The following SPATA6 variants were observed in gnomAD, a reference collection of about 807,000 sequenced individuals.
SPATA6 encodes spermatogenesis associated 6.
SPATA6 carries 56 observed loss-of-function variants against 65.3 expected under a neutral mutation model. The observed-to-expected ratio is 0.86, with a 90% CI of 0.69 to 1.07. The LOEUF (loss-of-function observed/expected upper bound fraction) is 1.07, where lower values mean the gene tolerates loss of function less well. SPATA6 is among the 50% of genes least tolerant of loss of function. SPATA6 has a pLI of 0.00. For synonymous variants in SPATA6, 199 were observed against 213.2 expected, an observed-to-expected ratio of 0.93 and a Z score of 0.58; for missense variants, 590 against 594.8, an observed-to-expected ratio of 0.99 and a Z score of 0.08.
chr1:48,395,839 A>C, intron 7 of SPATA6, among the ~76,000 whole-genome samples: 1 of 151,892 alleles, frequency 6.6e-6, no homozygotes. Context: ...CAAAAAGTAA[A>C]AAGAATGATA....
chr1:48,399,213 C>T (rs529485416), intron 7 of SPATA6, 138 bp downstream of exon 7: 1 of 1,026,408 alleles, frequency 9.7e-7, no homozygotes, highest in African/African-American at 1.6e-5. Flanking sequence ...AATTTCCCAT[C>T]TTAGACTGCT....
At chr1:48,404,001 G>A (rs1369895220) in intron 5 of SPATA6, 119 bp from the exon 6 acceptor site, 1 of 663,316 alleles carries the variant, frequency 1.5e-6, no homozygotes, top group African/African-American at 1.9e-5. Context: ...TTCACTGTTA[G>A]TTTGAACTTT....
chr1:48,461,082 T>C (rs1657393772), intron 1 of SPATA6, among the ~76,000 whole-genome samples: 1 of 152,124 alleles, frequency 6.6e-6, no homozygotes, highest in African/African-American at 2.4e-5. Context: ...AGAAAAACAA[T>C]ACTCAAAAAT....
At chr1:48,352,079 T>C (rs1405085923) in intron 11 of SPATA6, among the ~76,000 whole-genome samples, 1 of 152,044 alleles carries the variant, frequency 6.6e-6, no homozygotes, top group Non-Finnish European at 1.5e-5. Flanking sequence ...GACTTACAGT[T>C]CCACGTGGCT....
At chr1:48,338,859 A>T (rs1646130863) in intron 11 of SPATA6, among the ~76,000 whole-genome samples, 1 of 152,076 alleles carries the variant, frequency 6.6e-6, no homozygotes, top group Non-Finnish European at 1.5e-5. Context: ...CTTTAATAAC[A>T]TTTGAGAGTT....
chr1:48,394,418 C>G (rs1413249299), intron 8 of SPATA6, among the ~76,000 whole-genome samples: 5 of 152,070 alleles, frequency 3.3e-5, no homozygotes, highest in African/African-American at 1.2e-4. Context: ...AAACTTCTTC[C>G]AAGAGAGAAA....
chr1:48,433,959 A>G (rs1435412134), intron 3 of SPATA6, among the ~76,000 whole-genome samples: 1 of 152,216 alleles, frequency 6.6e-6, no homozygotes, highest in Non-Finnish European at 1.5e-5. Flanking sequence ...AGAAATCAAC[A>G]GAAACACCCA....
At chr1:48,285,011 T>C in the SPATA6 span, among the ~76,000 whole-genome samples, 1 of 152,192 alleles carries the variant, frequency 6.6e-6, no homozygotes, top group South Asian at 2.1e-4. Context: ...CGTTTAAGTC[T>C]GCTGAAGCTG....
intron 3 of SPATA6, among the ~76,000 whole-genome samples, chr1:48,442,125 G>A (rs1655549134): frequency 6.6e-6 from 1 of 152,210 alleles, no homozygotes; most frequent in Non-Finnish European, 1.5e-5. Flanking sequence ...TTCATTTGTG[G>A]AGAATGGGAT....
chr1:48,333,182 C>T (rs373458471), intron 11 of SPATA6, among the ~76,000 whole-genome samples: 4 of 152,136 alleles, frequency 2.6e-5, no homozygotes, highest in South Asian at 2.1e-4. Flanking sequence ...TCTACCAGTG[C>T]GGCTAGGAAA....
intron 11 of SPATA6, chr1:48,325,555 T>G: frequency 8.7e-7 from 1 of 1,143,028 alleles, no homozygotes. Flanking sequence ...CTCTTTGGTC[T>G]TGGAATGTTA....
intron 9 of SPATA6, among the ~76,000 whole-genome samples, chr1:48,371,061 G>A (rs1221414177): frequency 6.6e-6 from 1 of 152,080 alleles, no homozygotes; most frequent in Non-Finnish European, 1.5e-5. Flanking sequence ...GGCCATATAT[G>A]GAAAAATTAT....
At chr1:48,457,126 T>C (rs1011117549) in intron 1 of SPATA6, among the ~76,000 whole-genome samples, 1 of 151,764 alleles carries the variant, frequency 6.6e-6, no homozygotes, top group Non-Finnish European at 1.5e-5. Flanking sequence ...GTGCACCTAA[T>C]AAACTTTCAA....
At chr1:48,375,644 T>C (rs946874993) in intron 9 of SPATA6, among the ~76,000 whole-genome samples, 4 of 152,108 alleles carry the variant, frequency 2.6e-5, no homozygotes, top group Admixed American at 6.6e-5. Context: ...TAAGCAACTA[T>C]TAAAATGAGG....
At chr1:48,416,234 A>G (rs1652770799) in intron 3 of SPATA6, among the ~76,000 whole-genome samples, 1 of 152,106 alleles carries the variant, frequency 6.6e-6, no homozygotes, top group African/African-American at 2.4e-5. Context: ...AAAATCCTGA[A>G]AGAAGCCAAA....
At chr1:48,389,512 A>G (rs1332465454) in intron 8 of SPATA6, among the ~76,000 whole-genome samples, 1 of 152,170 alleles carries the variant, frequency 6.6e-6, no homozygotes, top group Non-Finnish European at 1.5e-5. Context: ...ATGACAAAAA[A>G]AGAATCCTGA....
At chr1:48,349,687 T>A (rs114653357) in intron 11 of SPATA6, among the ~76,000 whole-genome samples, 2 of 151,900 alleles carry the variant, frequency 1.3e-5, no homozygotes, top group African/African-American at 4.8e-5. Flanking sequence ...CCTTACAAAT[T>A]TTGTTACTTC....
the SPATA6 span, among the ~76,000 whole-genome samples, chr1:48,275,891 T>C: frequency 6.6e-5 from 10 of 152,198 alleles, no homozygotes; most frequent in African/African-American, 2.4e-4. Flanking sequence ...TTGTTTGGAA[T>C]CGTTTCAGAG....
rs189388097 is a variant in SPATA6, at chr1:48,330,392, C to T, written c.1195-24514G>A. On this transcript the variant is annotated intron_variant, in intron 11 of 12. Transcript: ENST00000371847. ...GCTGTGTGAGGTCAGCTGGAGGGTG[C>T]GGCTTCCAGTTATCACAGGAAATAT... is the stretch of plus-strand genomic sequence containing the variant. 2.2e-4 allele frequency among the ~76,000 whole-genome samples: 34 copies of T among 152,298 alleles called. 1 individual carries two copies. The highest frequency in any genetic ancestry group is 1.3e-4 in the Admixed American group (2 of 15,304).
Sources: gnomAD v4.1 joint callset for allele counts (sites outside exome capture counted in the v4.1 genomes callset) on GRCh38, gnomAD v4.1.1 for gene constraint, MANE v1.5 for transcripts, NCBI Gene and HGNC (gene_info 2026-07-23, HGNC 2026-07-21) for gene names.